UGT2A1: variants seen among roughly 807,000 people sequenced by gnomAD.
The protein encoded by UGT2A1 is UDP-glucuronosyltransferase 2A1.
UGT2A1 carries 61 observed loss-of-function variants against 45.4 expected under a neutral mutation model. That is an observed-to-expected ratio of 1.34 (90% CI 1.09 to 1.66). The LOEUF (loss-of-function observed/expected upper bound fraction) is 1.66, where lower values mean the gene tolerates loss of function less well. UGT2A1 is among the 40% of genes most tolerant of loss of function. The probability of loss-of-function intolerance (pLI) is 0.00; values close to 1 mark genes in which losing one functional copy is unlikely to be tolerated. For synonymous variants in UGT2A1, 229 were observed against 196.2 expected (o/e 1.17, Z -1.40); for missense variants, 649 against 574.3 (o/e 1.13, Z -1.33).
chr4:69,625,016 C>T (rs1031987393), intron 3 of UGT2A1, among the ~76,000 whole-genome samples: 1 of 150,834 alleles, frequency 6.6e-6, no homozygotes, highest in South Asian at 2.1e-4. Context: ...AAAAAATCAG[C>T]CTTTATTTTT....
intron 3 of UGT2A1, among the ~76,000 whole-genome samples, chr4:69,605,334 C>A (rs79395984): frequency 2.2e-5 from 3 of 135,762 alleles, no homozygotes; most frequent in East Asian, 2.1e-4. Context: ...GGGTACATAA[C>A]GAAATGAAGG....
At chr4:69,635,484 G>T (rs1300663578) in intron 3 of UGT2A1, among the ~76,000 whole-genome samples, 2 of 152,150 alleles carry the variant, frequency 1.3e-5, no homozygotes, top group Non-Finnish European at 2.9e-5. Context: ...AAATTCTACA[G>T]TGAGAACTAT....
chr4:69,645,116 A>G (rs1722196961), intron 2 of UGT2A1, among the ~76,000 whole-genome samples: 1 of 151,720 alleles, frequency 6.6e-6, no homozygotes, highest in Admixed American at 6.6e-5. Context: ...TCTGCTTAGC[A>G]AACATTACAG....
intron 3 of UGT2A1, among the ~76,000 whole-genome samples, chr4:69,611,054 T>C (rs1188244129): frequency 6.6e-6 from 1 of 152,148 alleles, no homozygotes; most frequent in African/African-American, 2.4e-5. Flanking sequence ...AGCAAAACCA[T>C]TATTTAGCAG....
intron 3 of UGT2A1, chr4:69,599,682 G>T: frequency 1.6e-5 from 4 of 258,006 alleles, no homozygotes; most frequent in Non-Finnish European, 2.8e-5. Flanking sequence ...GAAGAAAGAG[G>T]TAGAAATAAA....
At chr4:69,649,618 C>T (rs966694098) in intron 1 of UGT2A1, among the ~76,000 whole-genome samples, 3 of 152,082 alleles carry the variant, frequency 2.0e-5, no homozygotes, top group Non-Finnish European at 2.9e-5. Context: ...GCTGCACAAC[C>T]TTCAAGCACA....
At chr4:69,602,353 T>C (rs1430346074) in intron 3 of UGT2A1, among the ~76,000 whole-genome samples, 1 of 137,418 alleles carries the variant, frequency 7.3e-6, no homozygotes, top group African/African-American at 2.9e-5. Flanking sequence ...AGCATTCTTA[T>C]CAAGACGAAA....
chr4:69,610,191 T>C (rs1272548366), intron 3 of UGT2A1, among the ~76,000 whole-genome samples: 2 of 152,140 alleles, frequency 1.3e-5, no homozygotes, highest in Non-Finnish European at 2.9e-5. Context: ...TATTTTTAAA[T>C]GTGCAAAAAT....
chr4:69,630,954 A>C (rs1212251931), intron 3 of UGT2A1, among the ~76,000 whole-genome samples: 1 of 152,118 alleles, frequency 6.6e-6, no homozygotes, highest in Non-Finnish European at 1.5e-5. Context: ...AGAGTTAACA[A>C]TACTACTTAA....
chr4:69,648,661 G>T (rs536787734), intron 1 of UGT2A1, among the ~76,000 whole-genome samples: 2 of 152,032 alleles, frequency 1.3e-5, no homozygotes, highest in African/African-American at 2.4e-5. Context: ...TGAATAATTT[G>T]CCATGTTCCT....
At chr4:69,650,283 A>G (rs1402418137) in intron 1 of UGT2A1, among the ~76,000 whole-genome samples, 2 of 152,162 alleles carry the variant, frequency 1.3e-5, no homozygotes, top group Non-Finnish European at 2.9e-5. Context: ...AGTACCTACT[A>G]GGTAGAAGAG....
chr4:69,607,433 G>T (rs1184340500), intron 3 of UGT2A1, among the ~76,000 whole-genome samples: 2 of 151,946 alleles, frequency 1.3e-5, no homozygotes, highest in African/African-American at 2.4e-5. Context: ...CTGGATTAAA[G>T]ACTTACATGT....
At chr4:69,632,101 A>G (rs530759277) in intron 3 of UGT2A1, among the ~76,000 whole-genome samples, 29 of 152,320 alleles carry the variant, frequency 1.9e-4, no homozygotes, top group Non-Finnish European at 4.4e-5. Flanking sequence ...AAAATGAAAG[A>G]TCTATTCCTA....
At position 69,647,190 on chromosome 4, in the gene UGT2A1, A is replaced by G. The variant is rs751682956; in HGVS notation, c.455T>C (p.Val152Ala). ...SKFEVLVSDP[V>A]FPCGDIVALK... ...AGCTACTATATCGCCACAAGGAAATACTGGATCAGACACCAGGACTTCAAA... is the reference window on the plus strand; with the variant it reads ...AGCTACTATATCGCCACAAGGAAATGCTGGATCAGACACCAGGACTTCAAA... The change falls in exon 2 of 7, where the codon GTA becomes GCA. Residue 152 changes from valine to alanine, a missense_variant. Transcript: ENST00000286604. 8 of 1,613,234 alleles carry G rather than the reference A, an allele frequency of 5.0e-6. No homozygotes were observed. The South Asian group carries it at 5.5e-5, about 11-fold the overall frequency.
Position 69,647,409 on chromosome 4 carries a change from C to T in UGT2A1, c.236G>A (p.Gly79Asp), listed in dbSNP as rs1461177069. 3 of 1,612,770 alleles carry T rather than the reference C, an allele frequency of 1.9e-6. No individual in the cohort carries two copies. In the South Asian group the frequency reaches 3.3e-5, roughly 18 times the overall value. Residue 79 changes from glycine to aspartate, a missense_variant, in exon 2 of 7, where the codon GGC (glycine) becomes GAC (aspartate). Transcript: ENST00000286604. ...AATTACTCCTTCTATTCTTTCTTTG[C>T]CAAAGGGCACCTTATATATTTCAAA... ...LTFEIYKVPF[G>D]KERIEGVIKD...
At position 69,601,218 on chromosome 4, in the gene UGT2A1, C is replaced by T. The variant is rs138013823; in HGVS notation, c.848-1824G>A. ...ACTTCTCCCTGGAACATTACCCCAA[C>T]AGCCAGAGAGCTTCCCTCTGATCCT... On this transcript the variant is annotated intron_variant, in intron 3 of 6. Coordinates refer to ENST00000286604, the MANE Select transcript of UGT2A1 (RefSeq NM_001252275.3). 2.7e-3 allele frequency among the ~76,000 whole-genome samples: 415 copies of T among 152,266 alleles called. 2 individuals are homozygous for T. The highest frequency in any genetic ancestry group is 9.0e-3 in the African/African-American group (375 of 41,546).
At chr4:69,593,462 T>C (rs1246400933) in intron 6 of UGT2A1, among the ~76,000 whole-genome samples, 1 of 151,594 alleles carries the variant, frequency 6.6e-6, no homozygotes, top group South Asian at 2.1e-4. Context: ...CAAAATTACA[T>C]ATACATATAT....
At position 69,594,632 on chromosome 4, in the gene UGT2A1, G is replaced by A. The variant is rs928965449; in HGVS notation, c.1149C>T (p.Tyr383=). 1.9e-6 allele frequency: 3 copies of A among 1,614,118 alleles called. No individual in the cohort carries two copies. Among genetic ancestry groups the A allele is most frequent in the Non-Finnish European group, 2.5e-6 (3 of 1,180,026 alleles). The part of the protein sequence containing the change: ...GGTNGIYEAI[Y]HGVPMVGVPM... The stretch of plus-strand genomic sequence containing the variant: ...GAACTCCCACCATAGGGACTCCGTG[G>A]TAAATAGCTTCGTAGATCCCATTAG... Residue 383 remains tyrosine, a synonymous_variant, in exon 6 of 7, where the codon TAC becomes TAT. Transcript: ENST00000286604.
rs190756407 is a variant in UGT2A1, at chr4:69,615,107, T to G, written c.848-15713A>C. 2.1e-3 allele frequency among the ~76,000 whole-genome samples: 324 copies of G among 152,082 alleles called. 2 individuals carry two copies. The highest frequency in any genetic ancestry group is 3.8e-3 in the Admixed American group (58 of 15,230). On this transcript the variant is annotated intron_variant, in intron 3 of 6. Coordinates refer to ENST00000286604, the MANE Select transcript of UGT2A1 (RefSeq NM_001252275.3). Reference sequence around the variant, plus strand: ...TTTCAACAGATCCCTCCCCCAACATTTTGAATTACAATTCAACATGAGATT... The same window carrying G: ...TTTCAACAGATCCCTCCCCCAACATGTTGAATTACAATTCAACATGAGATT...
Sources: gnomAD v4.1 joint callset for allele counts (sites outside exome capture counted in the v4.1 genomes callset) on GRCh38, gnomAD v4.1.1 for gene constraint, MANE v1.5 for transcripts, NCBI Gene and HGNC (gene_info 2026-07-23, HGNC 2026-07-21) for gene names.